Variants in DIP2C observed in about 807,000 individuals in gnomAD.
The protein encoded by DIP2C is disco-interacting protein 2 homolog C.
In DIP2C, 33 loss-of-function variants were observed where a neutral mutation model predicts 192.4. The observed-to-expected ratio is 0.17, with a 90% CI of 0.13 to 0.23. The LOEUF (loss-of-function observed/expected upper bound fraction) is 0.23. Ranked by LOEUF, DIP2C falls within the 10% of genes least tolerant of loss-of-function variation. The pLI is 1.00. For missense variants in DIP2C, 1,537 were observed against 2,110.1 expected (o/e 0.73, Z 5.32); for synonymous variants, 979 against 864.1 (o/e 1.13, Z -2.33).
intron 1 of DIP2C, among the ~76,000 whole-genome samples, chr10:495,296 T>TAC (rs1844741755): frequency 6.6e-6 from 1 of 152,156 alleles, no homozygotes; most frequent in Non-Finnish European, 1.5e-5. Flanking sequence ...AGATCGAATG[T>TAC]ACAGTGTGGT....
intron 32 of DIP2C, among the ~76,000 whole-genome samples, chr10:290,469 C>T (rs756860034): frequency 6.6e-6 from 1 of 152,246 alleles, no homozygotes; most frequent in Non-Finnish European, 1.5e-5. Context: ...GAGAAGCTCA[C>T]AGCCAGAGGT....
intron 1 of DIP2C, among the ~76,000 whole-genome samples, chr10:685,739 A>C (rs1018841984): frequency 6.6e-6 from 1 of 152,104 alleles, no homozygotes; most frequent in Non-Finnish European, 1.5e-5. Flanking sequence ...AGGCGGGCGG[A>C]TCACCTGAGG....
intron 23 of DIP2C, 94 bp downstream of exon 23, chr10:357,734 G>A (rs1000489746): frequency 3.3e-6 from 3 of 899,694 alleles, no homozygotes; most frequent in Admixed American, 4.0e-5. Context: ...GGAAGGTAGG[G>A]GACAGTCGGG....
chr10:464,457 GCCAGT>G (rs1564744721), intron 3 of DIP2C, among the ~76,000 whole-genome samples: 1 of 151,662 alleles, frequency 6.6e-6, no homozygotes, highest in African/African-American at 2.4e-5. Context: ...ACCATTCCAC[GCCAGT>G]TAGAATGGTT....
At chr10:553,051 CCACA>C (rs896173739) in intron 1 of DIP2C, among the ~76,000 whole-genome samples, 1 of 152,202 alleles carries the variant, frequency 6.6e-6, no homozygotes, top group African/African-American at 2.4e-5. Flanking sequence ...ATTTTGCCTC[CCACA>C]CAGACCTGGG....
chr10:299,809 A>T (rs1955931845), intron 32 of DIP2C, among the ~76,000 whole-genome samples: 1 of 152,208 alleles, frequency 6.6e-6, no homozygotes, highest in Non-Finnish European at 1.5e-5. Flanking sequence ...AAAAAACTAA[A>T]TGCAAACCAA....
intron 1 of DIP2C, among the ~76,000 whole-genome samples, chr10:523,895 C>A (rs182704560): frequency 6.6e-6 from 1 of 152,310 alleles, no homozygotes; most frequent in African/African-American, 2.4e-5. Flanking sequence ...TAGCCTAGAC[C>A]TAAAAATTCG....
chr10:592,713 T>C (rs1382267386), intron 1 of DIP2C, among the ~76,000 whole-genome samples: 1 of 152,182 alleles, frequency 6.6e-6, no homozygotes, highest in East Asian at 1.9e-4. Flanking sequence ...TAACTATTAC[T>C]ATGAAAATTC....
At chr10:520,656 T>C (rs1327867173) in intron 1 of DIP2C, among the ~76,000 whole-genome samples, 1 of 152,202 alleles carries the variant, frequency 6.6e-6, no homozygotes, top group Non-Finnish European at 1.5e-5. Flanking sequence ...ACTCCCCCGC[T>C]GCTCCCAGAG....
intron 1 of DIP2C, among the ~76,000 whole-genome samples, chr10:608,056 T>C (rs955044117): frequency 2.6e-5 from 4 of 151,000 alleles, no homozygotes; most frequent in Admixed American, 6.6e-5. Context: ...CAAATGTTCA[T>C]CAGCAAATCT....
At chr10:567,516 T>C (rs1306602295) in intron 1 of DIP2C, among the ~76,000 whole-genome samples, 8 of 152,280 alleles carry the variant, frequency 5.3e-5, no homozygotes, top group African/African-American at 1.7e-4. Context: ...AGTTAGCAGA[T>C]AATTAACTGG....
At chr10:571,796 G>C (rs1781385426) in intron 1 of DIP2C, among the ~76,000 whole-genome samples, 1 of 152,164 alleles carries the variant, frequency 6.6e-6, no homozygotes, top group South Asian at 2.1e-4. Context: ...CATGGGACAT[G>C]GGAGAGGTAT....
chr10:578,433 C>T (rs971640498), intron 1 of DIP2C, among the ~76,000 whole-genome samples: 1 of 152,202 alleles, frequency 6.6e-6, no homozygotes, highest in African/African-American at 2.4e-5. Context: ...AGTTCTACCT[C>T]ACTGAAATCA....
intron 3 of DIP2C, among the ~76,000 whole-genome samples, chr10:471,446 A>C (rs1355713983): frequency 6.6e-6 from 1 of 152,096 alleles, no homozygotes; most frequent in African/African-American, 2.4e-5. Context: ...CTTTCCTCGA[A>C]CACCAGGTGA....
intron 1 of DIP2C, chr10:650,581 GC>G (rs1855815465): frequency 3.2e-6 from 2 of 622,166 alleles, no homozygotes; most frequent in African/African-American, 3.7e-5. Context: ...AGGGACGTGG[GC>G]CCCTTCAGTT....
intron 33 of DIP2C, among the ~76,000 whole-genome samples, chr10:286,994 T>G (rs1035159962): frequency 1.3e-5 from 2 of 152,224 alleles, no homozygotes. Context: ...CGTTAGAACG[T>G]CCGTGTGGAT....
rs549214340 is a variant in DIP2C, at chr10:645,824, A to G, written c.85+43670T>C. On this transcript the variant is annotated intron_variant, in intron 1 of 36. Transcript: ENST00000280886. ...TTTGACGTGTCACTTCTGTAATGTA[A>G]TAATAGAGCAAACACAATAGTTCAG... Among the ~76,000 whole-genome samples the G allele has an allele frequency of 1.8e-3, 269 of 152,272 alleles. 9 individuals are homozygous for G. In the South Asian group the frequency reaches 0.054, roughly 31 times the overall value.
chr10:316,531 G>A (rs1200599945), intron 31 of DIP2C, among the ~76,000 whole-genome samples: 1 of 152,222 alleles, frequency 6.6e-6, no homozygotes, highest in African/African-American at 2.4e-5. Context: ...AAGGGCAAGG[G>A]CGCTGCAGAG....
chr10:414,739 G>GTGTATATATATATAATGTGTATATATA, intron 7 of DIP2C, among the ~76,000 whole-genome samples: 3 of 90,510 alleles, frequency 3.3e-5, no homozygotes, highest in Non-Finnish European at 6.4e-5. Context: ...GTGTGTGTGT[G>GTGTATATATATATAATGTGTATATATA]TACATATATA....
Sources: allele counts gnomAD v4.1 joint callset (sites outside exome capture counted in the v4.1 genomes callset), GRCh38; gene constraint gnomAD v4.1.1; transcripts MANE v1.5; gene names NCBI Gene and HGNC (gene_info 2026-07-23, HGNC 2026-07-21).